The following LTAP1 variants were observed in gnomAD, a reference collection of about 807,000 sequenced individuals.
LTAP1 encodes the protein HCV NS5A-transactivated protein 4.
chr1:154,212,676 T>C, the LTAP1 span: 1 of 1,604,152 alleles, frequency 6.2e-7, no homozygotes, highest in East Asian at 2.2e-5. Flanking sequence ...AGTCTTTTTT[T>C]TTGAGATGGA....
chr1:154,216,340 A>AT, the LTAP1 span, among the ~76,000 whole-genome samples: 11 of 149,270 alleles, frequency 7.4e-5, no homozygotes, highest in African/African-American at 1.2e-4. Flanking sequence ...TAAAAAAAAA[A>AT]TTTTTTTTTT....
At chr1:154,212,192 G>A in the LTAP1 span, 1 of 1,029,824 alleles carries the variant, frequency 9.7e-7, no homozygotes, top group Non-Finnish European at 1.5e-6. Context: ...TGATCTAATA[G>A]TCTAGAACCT....
At chr1:154,212,688 T>A in the LTAP1 span, 2 of 1,575,910 alleles carry the variant, frequency 1.3e-6, no homozygotes, top group East Asian at 4.5e-5. Flanking sequence ...TGAGATGGAG[T>A]CTCGCTCTGT....
the LTAP1 span, among the ~76,000 whole-genome samples, chr1:154,216,067 G>T: frequency 6.6e-6 from 1 of 152,060 alleles, no homozygotes; most frequent in East Asian, 1.9e-4. Flanking sequence ...TCGATCTGCT[G>T]ACCTCATGAT....
chr1:154,219,686 C>T, the LTAP1 span: 1 of 624,466 alleles, frequency 1.6e-6, no homozygotes, highest in Non-Finnish European at 2.8e-6. Context: ...AGTTCCAAAG[C>T]GCACAGTGCC....
chr1:154,215,840 C>CTT, the LTAP1 span, among the ~76,000 whole-genome samples: 32 of 137,810 alleles, frequency 2.3e-4, no homozygotes, highest in African/African-American at 7.9e-4. Flanking sequence ...CACTAACTTT[C>CTT]TTTTTTTTTT....
At chr1:154,214,695 G>C in the LTAP1 span, 16 of 639,962 alleles carry the variant, frequency 2.5e-5, no homozygotes, top group African/African-American at 2.7e-4. Flanking sequence ...TGCTCATGTA[G>C]TTAATAAAAT....
At chr1:154,211,855 TTTC>T in the LTAP1 span, 266 of 161,670 alleles carry the variant, frequency 1.6e-3, no homozygotes, top group African/African-American at 5.8e-3. Context: ...TCTGCTTTCT[TTTC>T]TTCTTTTTTT....
At chr1:154,215,033 T>C in the LTAP1 span, among the ~76,000 whole-genome samples, 1 of 151,754 alleles carries the variant, frequency 6.6e-6, no homozygotes, top group Non-Finnish European at 1.5e-5. Context: ...TTAGTAGAGA[T>C]GGGGTTTCAC....
chr1:154,214,078 G>A, the LTAP1 span: 1 of 697,464 alleles, frequency 1.4e-6, no homozygotes, highest in East Asian at 3.0e-5. Flanking sequence ...AGGAGTTTGA[G>A]ACCAGCCTGA....
the LTAP1 span, among the ~76,000 whole-genome samples, chr1:154,211,566 A>C: frequency 6.7e-6 from 1 of 149,138 alleles, no homozygotes. Flanking sequence ...TGATCTCTTG[A>C]CCTCATGATT....
chr1:154,220,038 C>T, the LTAP1 span: 1 of 1,075,358 alleles, frequency 9.3e-7, no homozygotes, highest in Non-Finnish European at 1.3e-6. Context: ...GATTCCGGCT[C>T]TCAGGAATGT....
At chr1:154,219,861 A>T in the LTAP1 span, 1 of 1,612,814 alleles carries the variant, frequency 6.2e-7, no homozygotes, top group Admixed American at 1.7e-5. Context: ...TCCCACAGGG[A>T]CATGAGGTCC....
At chr1:154,220,344 G>C in the LTAP1 span, 1 of 1,614,230 alleles carries the variant, frequency 6.2e-7, no homozygotes, top group Non-Finnish European at 8.5e-7. Flanking sequence ...CTCCTCACCA[G>C]GCTCCCGTAG....
the LTAP1 span, among the ~76,000 whole-genome samples, chr1:154,217,106 C>T: frequency 6.6e-6 from 1 of 151,840 alleles, no homozygotes; most frequent in Non-Finnish European, 1.5e-5. Context: ...ACCGCCACGC[C>T]CAGCTAATTT....
At chr1:154,210,202 C>G in the LTAP1 span, among the ~76,000 whole-genome samples, 1 of 152,074 alleles carries the variant, frequency 6.6e-6, no homozygotes, top group Non-Finnish European at 1.5e-5. Context: ...CCACACCAGG[C>G]TAATTTTTAT....
the LTAP1 span, among the ~76,000 whole-genome samples, chr1:154,210,248 A>T: frequency 1.3e-3 from 201 of 152,248 alleles, 3 homozygotes; most frequent in East Asian, 0.032. Flanking sequence ...CATGTTGGCC[A>T]GGCTGGTCTC....
chr1:154,214,539 C>T, the LTAP1 span: 1 of 1,613,680 alleles, frequency 6.2e-7, no homozygotes, highest in Non-Finnish European at 8.5e-7. Flanking sequence ...TATCCTGAAC[C>T]CTGGAGAGTC....
At chr1:154,213,785 C>A in the LTAP1 span, 1 of 829,612 alleles carries the variant, frequency 1.2e-6, no homozygotes. Flanking sequence ...TCCTACTAGC[C>A]AGGGATGTGC....
Sources: gnomAD v4.1 joint callset for allele counts (sites outside exome capture counted in the v4.1 genomes callset) on GRCh38, gnomAD v4.1.1 for gene constraint, MANE v1.5 for transcripts, NCBI Gene and HGNC (gene_info 2026-07-23, HGNC 2026-07-21) for gene names.